Variants in ABCC11 observed in about 807,000 individuals in gnomAD.
The protein encoded by ABCC11 is ATP binding cassette subfamily C member 11, also known as ATP-binding cassette sub-family C member 11.
Under a neutral mutation model 149.3 loss-of-function variants are expected in ABCC11, and 135 were observed. That is an observed-to-expected ratio of 0.90 (90% CI 0.79 to 1.04). ABCC11 has a LOEUF of 1.04. ABCC11 is among the 50% of genes least tolerant of loss of function. ABCC11 has a pLI of 0.00. For missense variants in ABCC11, 1,680 were observed against 1,722.1 expected, an observed-to-expected ratio of 0.98 and a Z score of 0.43; for synonymous variants, 665 against 671.4, an observed-to-expected ratio of 0.99 and a Z score of 0.15.
Position 48,231,856 on chromosome 16 carries a change from G to C in ABCC11, c.66C>G (p.Asp22Glu). ...SSGGLVNRGI[D>E]IGDDMVSGLI... is the part of the protein sequence containing the mutation. ...GTCCTGAAACCATGTCATCGCCTAT[G>C]TCGATGCCACGATTCACGAGGCCAC... Residue 22 changes from aspartate (D) to glutamate (E), a missense_variant, in exon 2 of 30, where the codon GAC (aspartate) becomes GAG (glutamate). Physicochemically the swap from Asp to Glu is conservative, Grantham distance 45. Transcript: ENST00000356608. The C allele has an allele frequency of 6.2e-7, 1 of 1,614,160 alleles. No homozygotes were observed. Among genetic ancestry groups the C allele is most frequent in the Non-Finnish European group, 8.5e-7 (1 of 1,180,022 alleles).
chr16:48,218,228 C>A (rs910490139), intron 6 of ABCC11, among the ~76,000 whole-genome samples: 2 of 151,942 alleles, frequency 1.3e-5, no homozygotes, highest in African/African-American at 4.8e-5. Flanking sequence ...CCCAGGAGGT[C>A]CAGACTGCAG....
intron 6 of ABCC11, among the ~76,000 whole-genome samples, chr16:48,222,372 C>G (rs1296545922): frequency 6.6e-6 from 1 of 152,178 alleles, no homozygotes; most frequent in Non-Finnish European, 1.5e-5. Flanking sequence ...GATAAATCCT[C>G]TCTAGTCTCT....
intron 18 of ABCC11, among the ~76,000 whole-genome samples, chr16:48,195,632 A>G (rs963834432): frequency 6.6e-6 from 1 of 152,274 alleles, no homozygotes; most frequent in Non-Finnish European, 1.5e-5. Flanking sequence ...ATGATGATAT[A>G]TACCATTTAA....
intron 17 of ABCC11, among the ~76,000 whole-genome samples, chr16:48,197,680 T>A (rs968272144): frequency 2.6e-5 from 4 of 152,150 alleles, no homozygotes; most frequent in Non-Finnish European, 5.9e-5. Context: ...CCTGGTCAAG[T>A]CTTAAATCTG....
chr16:48,227,147 G>A (rs1970124510), intron 4 of ABCC11, among the ~76,000 whole-genome samples: 1 of 152,132 alleles, frequency 6.6e-6, no homozygotes, highest in Non-Finnish European at 1.5e-5. Context: ...TGATCCAGAA[G>A]AGAAAATCAA....
intron 10 of ABCC11, 40 bp downstream of exon 10, chr16:48,213,403 T>C: frequency 6.4e-7 from 1 of 1,558,788 alleles, no homozygotes; most frequent in Non-Finnish European, 8.8e-7. Context: ...CAGAGGAGCG[T>C]CCAAGCAGGG....
rs961103483 is a variant in ABCC11 at position 48,200,865 on chromosome 16, A to G, written c.1879-386T>C. The stretch of plus-strand genomic sequence containing the variant: ...TATAGCTAACAACAATGTATTGTAT[A>G]TTTCAGCAGAGCTAGTAGATAGGAT... On this transcript the variant is annotated intron_variant, in intron 14 of 29. Coordinates refer to ENST00000356608, the MANE Select transcript of ABCC11 (RefSeq NM_001370497.1). Among the ~76,000 whole-genome samples, 5 of 152,236 alleles carry G rather than the reference A, an allele frequency of 3.3e-5. 1 individual carries two copies. The highest frequency in any genetic ancestry group is 2.0e-4 in the Admixed American group (3 of 15,282).
chr16:48,196,887 C>A (rs1428917750), intron 17 of ABCC11, among the ~76,000 whole-genome samples: 1 of 152,228 alleles, frequency 6.6e-6, no homozygotes, highest in Admixed American at 6.5e-5. Flanking sequence ...ACGACAGTGA[C>A]TGTCTGCTGC....
intron 9 of ABCC11, among the ~76,000 whole-genome samples, chr16:48,214,016 C>T (rs1969134216): frequency 6.6e-6 from 1 of 152,140 alleles, no homozygotes; most frequent in Non-Finnish European, 1.5e-5. Context: ...ACCCTTCATG[C>T]CTAACCCATG....
intron 1 of ABCC11, 65 bp downstream of exon 1, chr16:48,247,249 A>G (rs1239374428): frequency 1.3e-5 from 2 of 149,980 alleles, no homozygotes; most frequent in African/African-American, 4.9e-5. Flanking sequence ...CTTTAACAAT[A>G]CCAATACTGA....
At chr16:48,173,290 C>T (rs1965833377) in intron 26 of ABCC11, among the ~76,000 whole-genome samples, 1 of 152,118 alleles carries the variant, frequency 6.6e-6, no homozygotes, top group African/African-American at 2.4e-5. Context: ...GGAAATATCA[C>T]AAATTATGGG....
chr16:48,191,000 G>T (rs1284830530), intron 20 of ABCC11, among the ~76,000 whole-genome samples: 1 of 152,056 alleles, frequency 6.6e-6, no homozygotes, highest in East Asian at 1.9e-4. Flanking sequence ...TGGTTGCTGG[G>T]AGTTTGAGGG....
chr16:48,184,830 G>A (rs1358628079), intron 22 of ABCC11, among the ~76,000 whole-genome samples: 2 of 152,228 alleles, frequency 1.3e-5, no homozygotes, highest in East Asian at 3.8e-4. Context: ...CCCAGATTGA[G>A]GAGTAGGCTC....
intron 2 of ABCC11, among the ~76,000 whole-genome samples, 158 bp downstream of exon 2, chr16:48,231,660 CAAAAA>C (rs57185310): frequency 1.3e-5 from 1 of 78,080 alleles, no homozygotes; most frequent in Non-Finnish European, 2.8e-5. Flanking sequence ...GACCCTGAGT[CAAAAA>C]AAAAAAAAAA....
At chr16:48,186,704 C>CAT (rs963140977) in intron 22 of ABCC11, among the ~76,000 whole-genome samples, 15 of 152,172 alleles carry the variant, frequency 9.9e-5, no homozygotes, top group South Asian at 6.3e-4. Flanking sequence ...TACATATGTC[C>CAT]ATATATATAT....
At chr16:48,244,393 C>A in intron 1 of ABCC11, 1 of 1,547,916 alleles carries the variant, frequency 6.5e-7, no homozygotes, top group Non-Finnish European at 8.7e-7. Flanking sequence ...GCCAGCATGT[C>A]ATCAGTGAGC....
intron 1 of ABCC11, among the ~76,000 whole-genome samples, chr16:48,233,111 G>A (rs1970513486): frequency 6.6e-6 from 1 of 152,150 alleles, no homozygotes; most frequent in Admixed American, 6.6e-5. Context: ...TGAGGCAGAA[G>A]TATAACTTGA....
intron 26 of ABCC11, among the ~76,000 whole-genome samples, chr16:48,174,248 A>G (rs1287296781): frequency 6.6e-6 from 1 of 152,228 alleles, no homozygotes; most frequent in Non-Finnish European, 1.5e-5. Context: ...ATGTACATTC[A>G]TTAAACTGGC....
At chr16:48,220,891 C>T (rs1969689085) in intron 6 of ABCC11, among the ~76,000 whole-genome samples, 1 of 152,120 alleles carries the variant, frequency 6.6e-6, no homozygotes, top group South Asian at 2.1e-4. Flanking sequence ...TGGTTTGTGT[C>T]TTTGAAGGGG....
Sources: gnomAD v4.1 joint callset for allele counts (sites outside exome capture counted in the v4.1 genomes callset) on GRCh38, gnomAD v4.1.1 for gene constraint, MANE v1.5 for transcripts, NCBI Gene and HGNC (gene_info 2026-07-23, HGNC 2026-07-21) for gene names.